MYPN: variants seen among roughly 807,000 people sequenced by gnomAD.
MYPN encodes the protein sarcomeric protein myopalladin, 145 kDa (MYOP).
Under a neutral mutation model 129.4 loss-of-function variants are expected in MYPN, and 63 were observed. That is an observed-to-expected ratio of 0.49 (90% CI 0.40 to 0.60). The LOEUF (loss-of-function observed/expected upper bound fraction) is 0.60, where lower values mean the gene tolerates loss of function less well. Among genes scored for constraint, MYPN ranks in the 20% least tolerant of loss-of-function variants. The pLI is 0.00. For synonymous variants in MYPN, 629 were observed against 600.9 expected (o/e 1.05, Z -0.68); for missense variants, 1,596 against 1,635.4 (o/e 0.98, Z 0.42).
intron 2 of MYPN, among the ~76,000 whole-genome samples, chr10:68,134,565 G>A (rs2042456826): frequency 6.6e-6 from 1 of 152,186 alleles, no homozygotes; most frequent in African/African-American, 2.4e-5. Context: ...GGGAGGCTGA[G>A]GCGGGTGGAT....
chr10:68,168,789 G>A (rs1465842670), intron 10 of MYPN, among the ~76,000 whole-genome samples: 2 of 152,040 alleles, frequency 1.3e-5, no homozygotes, highest in South Asian at 4.2e-4. Context: ...TGCCATGCCA[G>A]AGTCGGGATG....
chr10:68,170,583 A>G (rs1283482312), intron 10 of MYPN, among the ~76,000 whole-genome samples: 1 of 152,108 alleles, frequency 6.6e-6, no homozygotes, highest in Non-Finnish European at 1.5e-5. Flanking sequence ...TCAATTTGCT[A>G]TTCATATGGA....
upstream of MYPN, among the ~76,000 whole-genome samples, chr10:68,101,688 G>A (rs1411152286): frequency 2.0e-5 from 3 of 151,716 alleles, no homozygotes; most frequent in East Asian, 5.8e-4. Context: ...CTGTCTTTTA[G>A]TTGGTGGATT....
Position 68,210,533 on chromosome 10 carries a change from A to G in MYPN, c.*78A>G. ...AACAAGCCAGACTTGGTGGTTTCCAAGCAACCGAAGTTGAGTAAGTTCCCA... is the reference window on the plus strand; with the variant it reads ...AACAAGCCAGACTTGGTGGTTTCCAGGCAACCGAAGTTGAGTAAGTTCCCA... On this transcript the variant is annotated 3_prime_UTR_variant, in exon 20 of 20. Coordinates refer to ENST00000358913, the MANE Select transcript of MYPN (RefSeq NM_032578.4). 3.2e-6 allele frequency: 5 copies of G among 1,571,282 alleles called. No homozygotes were observed. Among genetic ancestry groups the G allele is most frequent in the Non-Finnish European group, 4.4e-6 (5 of 1,149,170 alleles).
intron 1 of MYPN, among the ~76,000 whole-genome samples, chr10:68,090,954 G>A (rs766833873): frequency 7.9e-5 from 12 of 152,024 alleles, no homozygotes; most frequent in Non-Finnish European, 1.5e-4. Context: ...AGAGTGATCC[G>A]GCCCCTTAGC....
chr10:68,192,612 T>C (rs938820403), intron 13 of MYPN, among the ~76,000 whole-genome samples: 1 of 152,194 alleles, frequency 6.6e-6, no homozygotes, highest in African/African-American at 2.4e-5. Context: ...AAATGTTTGG[T>C]AGAATTCAAC....
intron 1 of MYPN, 147 bp from the exon 2 acceptor site, chr10:68,121,291 T>G (rs2042237167): frequency 2.6e-6 from 2 of 755,866 alleles, no homozygotes; most frequent in Non-Finnish European, 4.1e-6. Context: ...AATAAATAAA[T>G]TAATTAAAAG....
At chr10:68,202,885 G>A (rs1226656255) in intron 18 of MYPN, among the ~76,000 whole-genome samples, 1 of 152,090 alleles carries the variant, frequency 6.6e-6, no homozygotes, top group African/African-American at 2.4e-5. Flanking sequence ...GGGTGTGGGG[G>A]TGTGCATTTT....
chr10:68,127,448 C>T (rs1386536630), intron 2 of MYPN, among the ~76,000 whole-genome samples: 1 of 148,658 alleles, frequency 6.7e-6, no homozygotes. Context: ...GATTCTTCTG[C>T]CTCAGCCTCC....
chr10:68,180,922 A>T (rs1022137560), intron 12 of MYPN, among the ~76,000 whole-genome samples: 3 of 152,122 alleles, frequency 2.0e-5, no homozygotes, highest in African/African-American at 4.8e-5. Flanking sequence ...TATCTTTTTT[A>T]AAAAAATGGT....
chr10:68,188,174 A>T (rs376050396), intron 12 of MYPN, among the ~76,000 whole-genome samples: 10 of 152,132 alleles, frequency 6.6e-5, no homozygotes, highest in Admixed American at 2.0e-4. Flanking sequence ...CAGTGGCATG[A>T]TCTCAGCTCA....
chr10:68,123,897 A>G (rs955121923), intron 2 of MYPN, among the ~76,000 whole-genome samples: 3 of 152,058 alleles, frequency 2.0e-5, no homozygotes, highest in Middle Eastern at 3.2e-3. Context: ...AAGAAACCCA[A>G]ATAATAGCAT....
At chr10:68,098,425 C>T (rs987278929) in intron 1 of MYPN, among the ~76,000 whole-genome samples, 21 of 152,154 alleles carry the variant, frequency 1.4e-4, no homozygotes, top group Admixed American at 7.2e-4. Flanking sequence ...CTATCAAACA[C>T]TTAATTCCAA....
At chr10:68,160,660 T>C (rs2042961248) in intron 7 of MYPN, among the ~76,000 whole-genome samples, 1 of 152,134 alleles carries the variant, frequency 6.6e-6, no homozygotes, top group Admixed American at 6.5e-5. Context: ...TCATGCCTTT[T>C]AATCCCAGCA....
intron 2 of MYPN, among the ~76,000 whole-genome samples, chr10:68,135,764 T>C (rs1301106610): frequency 1.3e-5 from 2 of 152,148 alleles, no homozygotes; most frequent in African/African-American, 2.4e-5. Context: ...CTGTGCTAGG[T>C]GTGGGATAGA....
rs188380448 is a variant in MYPN at position 68,164,903 on chromosome 10, T to C, written c.1484-799T>C. ...TCATTACTACTAGTAAAGCAAAATA[T>C]TTATTTGTTGTCCAATTTTAAATTG... is the stretch of plus-strand genomic sequence containing the variant. On this transcript the variant is annotated intron_variant, in intron 8 of 19. Coordinates refer to ENST00000358913, the MANE Select transcript of MYPN (RefSeq NM_032578.4). Among the ~76,000 whole-genome samples, 8 of 152,328 alleles carry C rather than the reference T, an allele frequency of 5.3e-5. No individual in the cohort carries two copies. In the East Asian group the frequency reaches 1.5e-3, roughly 29 times the overall value.
At chr10:68,140,288 A>C (rs922775036) in intron 2 of MYPN, among the ~76,000 whole-genome samples, 1 of 152,138 alleles carries the variant, frequency 6.6e-6, no homozygotes, top group Non-Finnish European at 1.5e-5. Context: ...GCCCAAATAG[A>C]GGTAATAATT....
intron 6 of MYPN, among the ~76,000 whole-genome samples, chr10:68,157,268 C>A (rs2042891335): frequency 6.6e-6 from 1 of 152,166 alleles, no homozygotes; most frequent in African/African-American, 2.4e-5. Flanking sequence ...TATTCCTCAA[C>A]AGATTAGTGA....
chr10:68,127,920 G>A (rs905517150), intron 2 of MYPN, among the ~76,000 whole-genome samples: 5 of 152,182 alleles, frequency 3.3e-5, no homozygotes, highest in Admixed American at 2.0e-4. Context: ...CTGGGCAACT[G>A]AAGCCTAACC....
Sources: gnomAD v4.1 joint callset for allele counts (sites outside exome capture counted in the v4.1 genomes callset) on GRCh38, gnomAD v4.1.1 for gene constraint, MANE v1.5 for transcripts, NCBI Gene and HGNC (gene_info 2026-07-23, HGNC 2026-07-21) for gene names.